NECTIN1: variants seen among roughly 807,000 people sequenced by gnomAD.
The protein encoded by NECTIN1 is nectin-1.
In NECTIN1, 23 loss-of-function variants were observed where a neutral mutation model predicts 48.0. The ratio of observed to expected loss-of-function variants is 0.48; its 90% CI spans 0.34 to 0.68. The LOEUF is 0.68. Among genes scored for constraint, NECTIN1 ranks in the 30% least tolerant of loss-of-function variants. NECTIN1 has a pLI of 0.01. For synonymous variants in NECTIN1, 270 were observed against 288.9 expected (o/e 0.93, Z 0.66); for missense variants, 591 against 709.9 (o/e 0.83, Z 1.90).
Position 119,724,480 on chromosome 11 carries a change from C to G in NECTIN1, c.79+3995G>C, listed in dbSNP as rs527287659. 1.4e-4 allele frequency among the ~76,000 whole-genome samples: 22 copies of G among 152,290 alleles called. No individual in the cohort carries two copies. The East Asian group carries it at 2.9e-3, about 20-fold the overall frequency. ...AAGCATCATAGAGGCTTCCCACCCC[C>G]CAAAGGACCCGGTAGTGTGTCCTAG... On this transcript the variant is annotated intron_variant, in intron 1 of 5. Coordinates refer to ENST00000264025, the MANE Select transcript of NECTIN1 (RefSeq NM_002855.5).
rs959327518 is a variant in NECTIN1, at chr11:119,709,528, A to T, written c.79+18947T>A. Among the ~76,000 whole-genome samples the T allele has an allele frequency of 6.6e-6, 1 of 151,788 alleles. No homozygotes were observed. The highest frequency in any genetic ancestry group is 2.4e-5 in the African/African-American group (1 of 41,298). ...AGGAAGCACTCACTTCCAGGGGTGG[A>T]GGTTCAGGGGTTGGGGAAGGGAAGG... On this transcript the variant is annotated intron_variant, in intron 1 of 5. Transcript: ENST00000264025. This position sits in a 1 kb window ranked among gnomAD's most constrained non-coding sequence, Gnocchi z 4.1.
At chr11:119,638,627 C>A in intron 7 of NECTIN1, 1 of 1,041,622 alleles carries the variant, frequency 9.6e-7, no homozygotes, top group Non-Finnish European at 1.5e-6. Flanking sequence ...ACCATGAAGG[C>A]GTGGCGGCTC....
At chr11:119,691,433 T>G (rs1865250381) in intron 1 of NECTIN1, among the ~76,000 whole-genome samples, 1 of 152,164 alleles carries the variant, frequency 6.6e-6, no homozygotes, top group South Asian at 2.1e-4. Context: ...CAAAAGGTTG[T>G]GACATGGGGT....
intron 5 of NECTIN1, among the ~76,000 whole-genome samples, chr11:119,644,490 C>T (rs541859034): frequency 6.6e-6 from 1 of 152,344 alleles, no homozygotes; most frequent in Admixed American, 6.5e-5. Flanking sequence ...TCACGGCGTG[C>T]TCCCTTGCCC....
chr11:119,667,662 C>T (rs894648031), intron 5 of NECTIN1, among the ~76,000 whole-genome samples: 2 of 152,218 alleles, frequency 1.3e-5, no homozygotes, highest in African/African-American at 4.8e-5. Flanking sequence ...CGGCTTTCCT[C>T]TCTGAGTGCT....
chr11:119,675,396 C>T (rs1286415431), intron 4 of NECTIN1, 86 bp from the exon 5 acceptor site: 2 of 1,452,462 alleles, frequency 1.4e-6, no homozygotes, highest in Non-Finnish European at 1.9e-6. Context: ...GCTCCAGGCC[C>T]CCTAGCCTTT....
chr11:119,728,881 C>A lies in NECTIN1; in HGVS notation c.-328G>T. 4.1e-6 allele frequency: 1 copy of A among 242,218 alleles called. No homozygotes were observed. Among genetic ancestry groups the A allele is most frequent in the Non-Finnish European group, 7.9e-6 (1 of 126,740 alleles). 15.0% of individuals were successfully genotyped at this position (242,218 alleles called of 1,614,324 possible). On this transcript the variant is annotated 5_prime_UTR_variant, in exon 1 of 6. Coordinates refer to ENST00000264025, the MANE Select transcript of NECTIN1 (RefSeq NM_002855.5). ...CGGGGCTGGGGAGAGGGACCCACCCCCGGCGCGCCCGGCTGCCCGGTTGCG... is the reference window on the plus strand; with the variant it reads ...CGGGGCTGGGGAGAGGGACCCACCCACGGCGCGCCCGGCTGCCCGGTTGCG...
chr11:119,700,464 C>T (rs539701842), intron 1 of NECTIN1, among the ~76,000 whole-genome samples: 1 of 152,326 alleles, frequency 6.6e-6, no homozygotes, highest in East Asian at 1.9e-4. Flanking sequence ...ATTTAAAACA[C>T]AGGAAGGCTG....
chr11:119,724,268 A>G (rs748519776), intron 1 of NECTIN1, among the ~76,000 whole-genome samples: 1 of 152,176 alleles, frequency 6.6e-6, no homozygotes, highest in Non-Finnish European at 1.5e-5. Context: ...CCGTTCATGG[A>G]TCATGAGAAC....
At chr11:119,707,791 G>T (rs1865573570) in intron 1 of NECTIN1, among the ~76,000 whole-genome samples, 1 of 152,148 alleles carries the variant, frequency 6.6e-6, no homozygotes, top group Admixed American at 6.5e-5. Flanking sequence ...TTGTAGGCAG[G>T]TATCAAAATA....
chr11:119,715,021 A>G (rs1865722706), intron 1 of NECTIN1, among the ~76,000 whole-genome samples: 1 of 152,108 alleles, frequency 6.6e-6, no homozygotes, highest in African/African-American at 2.4e-5. Flanking sequence ...ATGCGATTCC[A>G]ACACTAATGG....
intron 1 of NECTIN1, among the ~76,000 whole-genome samples, chr11:119,705,605 A>G (rs903377443): frequency 5.6e-4 from 85 of 152,158 alleles, no homozygotes; most frequent in Admixed American, 1.5e-3. Flanking sequence ...TAGACGGAGG[A>G]GACTGATGCA....
rs997332026 is a variant in NECTIN1, at chr11:119,673,956, C to G, written c.1003+1203G>C. 6.6e-6 allele frequency among the ~76,000 whole-genome samples: 1 copy of G among 152,234 alleles called. No homozygotes were observed. Among genetic ancestry groups the G allele is most frequent in the African/African-American group, 2.4e-5 (1 of 41,456 alleles). On this transcript the variant is annotated intron_variant, in intron 5 of 5. Transcript: ENST00000264025. This position sits in a 1 kb window ranked among gnomAD's most constrained non-coding sequence, Gnocchi z 5.8. ...GGATTGCAGACAACAGCAGGTGGCT[C>G]CACACTCCCGCCCCTGGGTGAGAGA...
intron 5 of NECTIN1, among the ~76,000 whole-genome samples, chr11:119,650,731 ACT>A (rs1864478827): frequency 6.6e-6 from 1 of 152,070 alleles, no homozygotes; most frequent in African/African-American, 2.4e-5. Flanking sequence ...ACTTTGGGAA[ACT>A]CTCTTCATGT....
rs1359918764 is a variant in NECTIN1 at position 119,683,337 on chromosome 11, C to T, written c.80-4572G>A. On this transcript the variant is annotated intron_variant, in intron 1 of 5. Coordinates refer to ENST00000264025, the MANE Select transcript of NECTIN1 (RefSeq NM_002855.5). This position sits in a 1 kb window ranked among gnomAD's most constrained non-coding sequence, Gnocchi z 4.0. Reference sequence around the variant, plus strand: ...TCACCTGCTCAGGGACACAGAACAGCAGCACCCAGCCCAGTGCTTTCCCAC... The same window carrying T: ...TCACCTGCTCAGGGACACAGAACAGTAGCACCCAGCCCAGTGCTTTCCCAC... Among the ~76,000 whole-genome samples, 1 of 152,178 alleles carries T rather than the reference C, an allele frequency of 6.6e-6. No homozygotes were observed. Among genetic ancestry groups the T allele is most frequent in the Non-Finnish European group, 1.5e-5 (1 of 68,026 alleles).
chr11:119,661,534 T>C lies in NECTIN1; in HGVS notation c.*3213A>G. 9 of 985,850 alleles carry C rather than the reference T, an allele frequency of 9.1e-6. No individual in the cohort carries two copies. Among genetic ancestry groups the C allele is most frequent in the Non-Finnish European group, 1.1e-5 (9 of 829,960 alleles). 61.1% of individuals were successfully genotyped at this position (985,850 alleles called of 1,614,324 possible). A position where few individuals can be genotyped will look rare whatever the true frequency, so the allele number is the denominator to read the frequency against. On this transcript the variant is annotated 3_prime_UTR_variant, in exon 6 of 6. Coordinates refer to ENST00000264025, the MANE Select transcript of NECTIN1 (RefSeq NM_002855.5). Reference sequence around the variant, plus strand: ...CTGGACTCCTGAGGCCTGGGAGCACTACCCTCCTCCCAGAAGAGGGGACAT... The same window carrying C: ...CTGGACTCCTGAGGCCTGGGAGCACCACCCTCCTCCCAGAAGAGGGGACAT...
rs574759662 is a variant in NECTIN1 at position 119,667,985 on chromosome 11, G to A, written c.1004-2688C>T. 3.2e-4 allele frequency among the ~76,000 whole-genome samples: 49 copies of A among 152,226 alleles called. 1 individual carries two copies. The South Asian group carries it at 0.01, about 32-fold the overall frequency. ...AAGCATCAGAGCCTGTTACCTTCTC[G>A]TGCACACTGTGAACTACTAGAGGGA... On this transcript the variant is annotated intron_variant, in intron 5 of 5. Coordinates refer to ENST00000264025, the MANE Select transcript of NECTIN1 (RefSeq NM_002855.5).
chr11:119,665,320 G>A lies in NECTIN1; in HGVS notation c.1004-23C>T. The A allele has an allele frequency of 6.4e-7, 1 of 1,569,466 alleles. No individual in the cohort carries two copies. The highest frequency in any genetic ancestry group is 8.6e-7 in the Non-Finnish European group (1 of 1,162,986). ...ATTCTGGGTGAGGAAAAGAGATGGA[G>A]GGGACAGCATCAGCGTGTGCTCCTG... On this transcript the variant is annotated intron_variant, in intron 5 of 5. Transcript: ENST00000264025. This position sits in a 1 kb window ranked among gnomAD's most constrained non-coding sequence, Gnocchi z 5.1.
chr11:119,685,034 G>A (rs112672151), intron 1 of NECTIN1, among the ~76,000 whole-genome samples: 13 of 152,334 alleles, frequency 8.5e-5, no homozygotes, highest in African/African-American at 3.1e-4. Context: ...TTCTTGTCCT[G>A]GTGCTCCAGC....
Sources: allele counts gnomAD v4.1 joint callset (sites outside exome capture counted in the v4.1 genomes callset), GRCh38; gene constraint gnomAD v4.1.1; non-coding constraint Gnocchi (gnomAD v3.1); transcripts MANE v1.5; gene names NCBI Gene and HGNC (gene_info 2026-07-23, HGNC 2026-07-21).